USP22: variants seen among roughly 807,000 people sequenced by gnomAD.
USP22 encodes ubiquitin specific peptidase 22, also known as ubiquitin carboxyl-terminal hydrolase 22.
Under a neutral mutation model 68.1 loss-of-function variants are expected in USP22, and 22 were observed. The ratio of observed to expected loss-of-function variants is 0.32; its 90% CI spans 0.23 to 0.46. The LOEUF (loss-of-function observed/expected upper bound fraction) is 0.46, where lower values mean the gene tolerates loss of function less well. Ranked by LOEUF, USP22 falls within the 20% of genes least tolerant of loss-of-function variation. The pLI is 1.00. For missense variants in USP22, 433 were observed against 695.8 expected (o/e 0.62, Z 4.25); for synonymous variants, 279 against 274.2 (o/e 1.02, Z -0.17).
In USP22 at chr17:21,042,692, G is replaced by A. The variant is rs865849460; in HGVS notation, c.144C>T (p.Ser48=). The stretch of plus-strand genomic sequence containing the variant: ...TGCGCTTGCGGGCCTCAGCCGTGCC[G>A]CTCCACACGAAGCACTGGTAGATGG... ...LRAIYQCFVW[S]GTAEARKRKA... The change falls in exon 1 of 13, where the codon AGC becomes AGT. Residue 48 remains serine (S), a synonymous_variant. Transcript: ENST00000261497. 1.4e-6 allele frequency: 2 copies of A among 1,381,970 alleles called. No individual in the cohort carries two copies. Among genetic ancestry groups the A allele is most frequent in the South Asian group, 1.6e-5 (1 of 64,020 alleles). 85.6% of individuals were successfully genotyped at this position (1,381,970 alleles called of 1,614,324 possible).
chr17:21,013,136 C>G (rs1914020292), intron 6 of USP22, among the ~76,000 whole-genome samples: 1 of 152,194 alleles, frequency 6.6e-6, no homozygotes, highest in Non-Finnish European at 1.5e-5. Context: ...ATTTTCAATG[C>G]TCCTTTTTCT....
intron 1 of USP22, among the ~76,000 whole-genome samples, chr17:21,039,626 C>T (rs1220440891): frequency 6.6e-6 from 1 of 152,112 alleles, no homozygotes; most frequent in Non-Finnish European, 1.5e-5. Flanking sequence ...CAAGCCTGGT[C>T]ATGTTTTTGT....
chr17:21,021,222 A>G lies in USP22; in HGVS notation c.309T>C (p.Ile103=). The change falls in exon 3 of 13, where the codon ATT becomes ATC. Residue 103 remains isoleucine (I), a synonymous_variant. Transcript: ENST00000261497. The stretch of plus-strand genomic sequence containing the variant: ...AGTAGATGCCTCCGTACATCAGATC[A>G]ATGGCTGAGGAGAGAAAGGAGGGAG... ...HAKAKRHNLA[I]DLMYGGIYCF... is the part of the protein sequence containing the mutation. 1 of 1,603,996 alleles carries G rather than the reference A, an allele frequency of 6.2e-7. No individual in the cohort carries two copies. The highest frequency in any genetic ancestry group is 1.7e-5 in the Admixed American group (1 of 60,000).
At chr17:21,028,976 G>A (rs948171631) in intron 1 of USP22, among the ~76,000 whole-genome samples, 2 of 68,456 alleles carry the variant, frequency 2.9e-5, no homozygotes, top group Non-Finnish European at 6.3e-5. Context: ...GGCACCCCAA[G>A]CCCAGCTCCC....
intron 10 of USP22, 165 bp downstream of exon 10, chr17:21,006,731 T>C: frequency 2.3e-6 from 1 of 440,760 alleles, no homozygotes; most frequent in South Asian, 4.2e-5. Flanking sequence ...TCTCAATCTG[T>C]TGACCTCATG....
chr17:21,037,601 C>A (rs1972373584), intron 1 of USP22, among the ~76,000 whole-genome samples: 1 of 152,208 alleles, frequency 6.6e-6, no homozygotes, highest in African/African-American at 2.4e-5. Context: ...TCAAAACTCT[C>A]AAGGTCACCA....
chr17:21,018,336 T>C (rs1378613976), intron 4 of USP22: 6 of 446,484 alleles, frequency 1.3e-5, no homozygotes, highest in African/African-American at 1.0e-4. Context: ...AGCCATTGTA[T>C]GCTTTGACAG....
chr17:21,017,918 C>T (rs1972108581), intron 5 of USP22, 24 bp downstream of exon 5: 7 of 1,609,252 alleles, frequency 4.3e-6, no homozygotes, highest in East Asian at 2.2e-5. Flanking sequence ...GAAATGTTCC[C>T]CTGCAGAAGT....
At chr17:21,027,590 G>C (rs896921141) in intron 2 of USP22, among the ~76,000 whole-genome samples, 35 of 152,152 alleles carry the variant, frequency 2.3e-4, no homozygotes, top group African/African-American at 8.0e-4. Flanking sequence ...TGAAAATGCT[G>C]TTCTGAAGGA....
rs977673183 is a variant in USP22 at position 21,042,646 on chromosome 17, G to A, written c.171+19C>T. 9 of 1,260,628 alleles carry A rather than the reference G, an allele frequency of 7.1e-6. No homozygotes were observed. The African/African-American group carries it at 9.3e-5, about 13-fold the overall frequency. The allele number at this position is 1,260,628 out of a possible 1,614,324, so 78.1% of individuals were successfully genotyped here. On this transcript the variant is annotated intron_variant, in intron 1 of 12. Transcript: ENST00000261497. ...GCAGAAGGCCCCGAGCCCGCCGCGC[G>A]GTGGGCTGCCGGGCGCACCTTGCGC...
At chr17:21,027,292 C>CAAAAAAAGAAAAAAAAAA (rs1972233394) in intron 2 of USP22, among the ~76,000 whole-genome samples, 1 of 72,300 alleles carries the variant, frequency 1.4e-5, no homozygotes, top group African/African-American at 5.0e-5. Context: ...ACCCTGTCTC[C>CAAAAAAAGAAAAAAAAAA]AAAAAAAAAA....
intron 6 of USP22, among the ~76,000 whole-genome samples, chr17:21,013,364 A>G (rs573345648): frequency 1.3e-5 from 2 of 152,196 alleles, no homozygotes; most frequent in African/African-American, 4.8e-5. Context: ...CAAGTTCAGA[A>G]AGTGACACCG....
At chr17:21,027,426 G>A (rs1312237953) in intron 2 of USP22, among the ~76,000 whole-genome samples, 1 of 151,944 alleles carries the variant, frequency 6.6e-6, no homozygotes, top group East Asian at 1.9e-4. Context: ...TTATGGACTC[G>A]CATGTTGTTT....
rs1914113168 is a variant in USP22, at chr17:21,015,759, G to A, written c.831C>T (p.His277=). The A allele has an allele frequency of 1.9e-6, 3 of 1,613,056 alleles. No homozygotes were observed. Among genetic ancestry groups the A allele is most frequent in the Non-Finnish European group, 2.5e-6 (3 of 1,179,934 alleles). Residue 277 remains histidine (H), a synonymous_variant, in exon 6 of 13, where the codon CAC becomes CAT. Coordinates refer to ENST00000261497, the MANE Select transcript of USP22 (RefSeq NM_015276.2). ...GCAGAGCCCAGGGCCCACCTTTGCA[G>A]TGTCGGTGGAGCACGTCCAGGGCCG... ...LIAALDVLHR[H]CKGDDNGKKA...
At chr17:21,019,879 T>G (rs1352533089) in intron 3 of USP22, among the ~76,000 whole-genome samples, 1 of 152,232 alleles carries the variant, frequency 6.6e-6, no homozygotes, top group African/African-American at 2.4e-5. Context: ...GTGCTTTAAG[T>G]GCTCTGCACA....
intron 3 of USP22, among the ~76,000 whole-genome samples, chr17:21,020,446 T>A (rs1007175274): frequency 1.3e-5 from 2 of 151,568 alleles, no homozygotes; most frequent in Admixed American, 1.3e-4. Flanking sequence ...ATGGCAAGGA[T>A]CTGACTGTGC....
rs775251006 is a variant in USP22 at position 21,028,524 on chromosome 17, C to G, written c.304+18G>C. ...TTGGGGGCCACAACTATCCCCCCAT[C>G]CCAGAAGCTCGCCTCACCCAGGTTG... On this transcript the variant is annotated intron_variant, in intron 2 of 12. Coordinates refer to ENST00000261497, the MANE Select transcript of USP22 (RefSeq NM_015276.2). 1 of 1,612,886 alleles carries G rather than the reference C, an allele frequency of 6.2e-7. No homozygotes were observed. Among genetic ancestry groups the G allele is most frequent in the African/African-American group, 1.3e-5 (1 of 74,870 alleles).
At chr17:21,013,628 G>A (rs562574862) in intron 6 of USP22, among the ~76,000 whole-genome samples, 1 of 152,214 alleles carries the variant, frequency 6.6e-6, no homozygotes, top group Non-Finnish European at 1.5e-5. Flanking sequence ...GTTCAAAGAC[G>A]TTGAATCATG....
upstream of USP22, chr17:21,043,195 C>A (rs1304959135): frequency 6.2e-6 from 1 of 162,498 alleles, no homozygotes; most frequent in Non-Finnish European, 1.3e-5. Context: ...CCCCCACACT[C>A]GCGCGCCCGT....
Sources: gnomAD v4.1 joint callset for allele counts (sites outside exome capture counted in the v4.1 genomes callset) on GRCh38, gnomAD v4.1.1 for gene constraint, MANE v1.5 for transcripts, NCBI Gene and HGNC (gene_info 2026-07-23, HGNC 2026-07-21) for gene names.